Variants in PKNOX2 observed in about 807,000 individuals in gnomAD.
PKNOX2 encodes PBX/knotted 1 homeobox 2.
Under a neutral mutation model 53.1 loss-of-function variants are expected in PKNOX2, and 14 were observed. The ratio of observed to expected loss-of-function variants is 0.26; its 90% CI spans 0.17 to 0.41. The LOEUF (loss-of-function observed/expected upper bound fraction) is 0.41. Ranked by LOEUF, PKNOX2 falls within the 10% of genes least tolerant of loss-of-function variation. The pLI is 1.00. For missense variants in PKNOX2, 496 were observed against 602.8 expected, an observed-to-expected ratio of 0.82 and a Z score of 1.85; for synonymous variants, 257 against 242.8, an observed-to-expected ratio of 1.06 and a Z score of -0.54.
At chr11:125,411,510 C>CTCTCTCTCTCA in intron 9 of PKNOX2, 1 of 470,162 alleles carries the variant, frequency 2.1e-6, no homozygotes. Context: ...CTCTCTCTCT[C>CTCTCTCTCTCA]CCCCCCTTCC....
At chr11:125,386,337 G>A (rs1165730637) in intron 6 of PKNOX2, among the ~76,000 whole-genome samples, 2 of 152,180 alleles carry the variant, frequency 1.3e-5, no homozygotes, top group Non-Finnish European at 2.9e-5. Flanking sequence ...AGTGAGTTTG[G>A]TGGGAGCCTG....
At chr11:125,217,719 C>T (rs1363144502) in intron 1 of PKNOX2, among the ~76,000 whole-genome samples, 1 of 152,126 alleles carries the variant, frequency 6.6e-6, no homozygotes, top group Non-Finnish European at 1.5e-5. Context: ...TGGACTTTTC[C>T]TCATTTACCT....
intron 1 of PKNOX2, among the ~76,000 whole-genome samples, chr11:125,167,379 C>T (rs1333849309): frequency 1.3e-5 from 2 of 152,170 alleles, no homozygotes; most frequent in Non-Finnish European, 2.9e-5. Flanking sequence ...GGCGCGGCGA[C>T]TGCCGCCGCG....
intron 4 of PKNOX2, among the ~76,000 whole-genome samples, chr11:125,355,424 A>G (rs1951552058): frequency 6.6e-6 from 1 of 152,086 alleles, no homozygotes; most frequent in South Asian, 2.1e-4. Context: ...CAGGACCCCA[A>G]TTTCAGCATG....
At chr11:125,411,316 G>T in intron 9 of PKNOX2, 1 of 338,460 alleles carries the variant, frequency 3.0e-6, no homozygotes, top group Non-Finnish European at 5.7e-6. Context: ...AACCTACAGG[G>T]CTGCTGTGAG....
intron 3 of PKNOX2, among the ~76,000 whole-genome samples, chr11:125,344,596 A>G (rs762412965): frequency 6.6e-6 from 1 of 152,152 alleles, no homozygotes; most frequent in Non-Finnish European, 1.5e-5. Context: ...GCATCGTGAT[A>G]TTAGGGCATG....
chr11:125,219,413 G>T (rs542990473), intron 1 of PKNOX2, among the ~76,000 whole-genome samples: 1 of 151,588 alleles, frequency 6.6e-6, no homozygotes, highest in South Asian at 2.1e-4. Context: ...ATTCTAGCCT[G>T]GGCAACAAGA....
intron 2 of PKNOX2, among the ~76,000 whole-genome samples, chr11:125,309,672 GCGACTGTGCC>G (rs1261537831): frequency 9.2e-5 from 14 of 152,126 alleles, no homozygotes; most frequent in African/African-American, 3.4e-4. Context: ...ACAGGCGTGA[GCGACTGTGCC>G]CGGCCTCTAA....
At chr11:125,273,486 G>A (rs571111283) in intron 2 of PKNOX2, among the ~76,000 whole-genome samples, 2 of 152,344 alleles carry the variant, frequency 1.3e-5, no homozygotes, top group Non-Finnish European at 1.5e-5. Context: ...CCTATGGGGT[G>A]AGGAAAGCAG....
At chr11:125,266,098 C>A (rs186102147) in intron 2 of PKNOX2, among the ~76,000 whole-genome samples, 8 of 152,176 alleles carry the variant, frequency 5.3e-5, no homozygotes, top group Admixed American at 2.0e-4. Flanking sequence ...AGGAATAGTT[C>A]CTTTCTCACT....
intron 2 of PKNOX2, among the ~76,000 whole-genome samples, chr11:125,274,024 T>TA (rs1945993076): frequency 6.6e-6 from 1 of 152,208 alleles, no homozygotes; most frequent in Non-Finnish European, 1.5e-5. Context: ...GTGAAGGTAG[T>TA]ATCACACTGG....
intron 2 of PKNOX2, among the ~76,000 whole-genome samples, chr11:125,321,860 T>C (rs191311321): frequency 6.6e-6 from 1 of 152,180 alleles, no homozygotes. Context: ...CATCAGCAGA[T>C]TCAGTGTTTA....
At chr11:125,173,799 G>A (rs192855127) in intron 1 of PKNOX2, among the ~76,000 whole-genome samples, 11 of 152,290 alleles carry the variant, frequency 7.2e-5, no homozygotes, top group Non-Finnish European at 1.0e-4. Context: ...TTCCCTCGGG[G>A]GCTCGTGCCC....
Position 125,166,938 on chromosome 11 carries a change from G to T in PKNOX2, c.-201+2162G>T, listed in dbSNP as rs1316397801. Among the ~76,000 whole-genome samples the T allele has an allele frequency of 1.3e-5, 2 of 152,150 alleles. No individual in the cohort carries two copies. Among genetic ancestry groups the T allele is most frequent in the Non-Finnish European group, 2.9e-5 (2 of 68,030 alleles). On this transcript the variant is annotated intron_variant, in intron 1 of 12. Transcript: ENST00000298282. The surrounding 1 kb of genome is among the most constrained non-coding windows in gnomAD (Gnocchi z 4.0). ...TCCTCCCCGCCCCAAATCTGAGAAT[G>T]ATGGTGTTCAAACATAACACGGTGT... is the stretch of plus-strand genomic sequence containing the variant.
At chr11:125,400,254 C>T (rs1210412892) in intron 7 of PKNOX2, among the ~76,000 whole-genome samples, 1 of 152,122 alleles carries the variant, frequency 6.6e-6, no homozygotes, top group Non-Finnish European at 1.5e-5. Context: ...AAACTTGTCC[C>T]TGCATTTTCT....
At chr11:125,394,421 G>T (rs557758303) in intron 6 of PKNOX2, among the ~76,000 whole-genome samples, 2 of 152,170 alleles carry the variant, frequency 1.3e-5, no homozygotes, top group African/African-American at 4.8e-5. Flanking sequence ...ACACACAATC[G>T]CTGCTTTCTG....
At chr11:125,179,707 ATGGAGACCAGGCCAACATT>A (rs1338653821) in intron 1 of PKNOX2, among the ~76,000 whole-genome samples, 2 of 152,166 alleles carry the variant, frequency 1.3e-5, no homozygotes, top group African/African-American at 4.8e-5. Flanking sequence ...AGATTCTGAA[ATGGAGACCAGGCCAACATT>A]TGGCTATAGT....
At chr11:125,192,208 G>C (rs1259200491) in intron 1 of PKNOX2, among the ~76,000 whole-genome samples, 1 of 152,116 alleles carries the variant, frequency 6.6e-6, no homozygotes, top group East Asian at 1.9e-4. Context: ...TAAACGTGGG[G>C]AAATTCATAC....
chr11:125,333,856 G>A (rs1565499416), intron 3 of PKNOX2, among the ~76,000 whole-genome samples: 1 of 152,182 alleles, frequency 6.6e-6, no homozygotes, highest in Non-Finnish European at 1.5e-5. Flanking sequence ...AAGGGCTGGG[G>A]TGGAGGGGGT....
Sources: gnomAD v4.1 joint callset for allele counts (sites outside exome capture counted in the v4.1 genomes callset) on GRCh38, gnomAD v4.1.1 for gene constraint, Gnocchi (gnomAD v3.1) non-coding constraint, MANE v1.5 for transcripts, NCBI Gene and HGNC (gene_info 2026-07-23, HGNC 2026-07-21) for gene names.